The following MMP24 variants were observed in gnomAD, a reference collection of about 807,000 sequenced individuals.
The protein encoded by MMP24 is matrix metallopeptidase 24.
Under a neutral mutation model 62.8 loss-of-function variants are expected in MMP24, and 25 were observed. The observed-to-expected ratio is 0.40, with a 90% CI of 0.29 to 0.56. The LOEUF (loss-of-function observed/expected upper bound fraction) is 0.56. Ranked by LOEUF, MMP24 falls within the 20% of genes least tolerant of loss-of-function variation. The probability of loss-of-function intolerance (pLI) is 0.50; values close to 1 mark genes in which losing one functional copy is unlikely to be tolerated. For missense variants in MMP24, 634 were observed against 853.6 expected, an observed-to-expected ratio of 0.74 and a Z score of 3.21; for synonymous variants, 319 against 350.5, an observed-to-expected ratio of 0.91 and a Z score of 1.00.
At position 35,226,740 on chromosome 20, in the gene MMP24, TGCCGAGGAGCCGGGG is replaced by T; in HGVS notation, c.3_17del (p.MetProArgSerArgGly1_?6). The T allele has an allele frequency of 4.8e-6, 1 of 207,110 alleles. No individual in the cohort carries two copies. The highest frequency in any genetic ancestry group is 5.2e-6 in the Non-Finnish European group (1 of 190,488). 12.8% of individuals were successfully genotyped at this position (207,110 alleles called of 1,614,324 possible). ...CCGGGCGCGGGCCCCGCCGCCGGGA[TGCCGAGGAGCCGGGG>T]CGGCCGCGCCGCGCCGGGGCCGCCG... is the stretch of plus-strand genomic sequence containing the variant. On this transcript the variant is annotated start_lost and inframe_deletion, in exon 1 of 9. Coordinates refer to ENST00000246186, the MANE Select transcript of MMP24 (RefSeq NM_006690.4).
chr20:35,236,649 G>A (rs1210895688), intron 1 of MMP24, among the ~76,000 whole-genome samples: 1 of 152,060 alleles, frequency 6.6e-6, no homozygotes, highest in Non-Finnish European at 1.5e-5. Context: ...ATAACCAAAC[G>A]TGGTGGTCAA....
Position 35,251,899 on chromosome 20 carries a change from G to A in MMP24, c.396-6G>A. 6.2e-7 allele frequency: 1 copy of A among 1,610,720 alleles called. No individual in the cohort carries two copies. The highest frequency in any genetic ancestry group is 1.1e-5 in the South Asian group (1 of 91,008). On this transcript the variant is annotated splice_polypyrimidine_tract_variant and splice_region_variant and intron_variant, in intron 2 of 8. Transcript: ENST00000246186. ...ATGCGTGTGTGTGTGTCCTCTCTCT[G>A]CCCAGGTGGATGAAGAAACCCCGAT...
rs924387819 is a variant in MMP24 at position 35,274,042 on chromosome 20, G to A, written c.1601-230G>A. 6.6e-6 allele frequency among the ~76,000 whole-genome samples: 1 copy of A among 152,164 alleles called. No individual in the cohort carries two copies. Among genetic ancestry groups the A allele is most frequent in the Non-Finnish European group, 1.5e-5 (1 of 68,038 alleles). The stretch of plus-strand genomic sequence containing the variant: ...GAACCATGTCCCAGTTCTCCCTGAA[G>A]CCCCTCTGGTTTCCTAGCACCCGTA... On this transcript the variant is annotated intron_variant, in intron 8 of 8. Coordinates refer to ENST00000246186, the MANE Select transcript of MMP24 (RefSeq NM_006690.4). This position sits in a 1 kb window ranked among gnomAD's most constrained non-coding sequence, Gnocchi z 5.1.
chr20:35,250,432 C>T (rs951349393), intron 2 of MMP24, among the ~76,000 whole-genome samples: 14 of 151,926 alleles, frequency 9.2e-5, no homozygotes, highest in East Asian at 7.7e-4. Flanking sequence ...TGGTGGTGCG[C>T]GCCTGTAATC....
In MMP24 at chr20:35,267,324, G is replaced by A. The variant is rs1472659857; in HGVS notation, c.1099G>A (p.Gly367Arg). The A allele has an allele frequency of 5.7e-6, 9 of 1,589,732 alleles. No homozygotes were observed. Among genetic ancestry groups the A allele is most frequent in the South Asian group, 3.4e-5 (3 of 87,388 alleles). ...RQPRPPRPPL[G>R]DRPSTPGTKP... ...GCCCAGGCCCCCTCGGCCGCCCCTC[G>A]GGGACCGGCCATCCACACCAGGCAC... Residue 367 changes from glycine (G) to arginine (R), a missense_variant, in exon 6 of 9, where the codon GGG (glycine) becomes AGG (arginine). Around this residue, in one of 3 missense-constraint regions of MMP24, gnomAD observed 399 missense variants for 530.8 expected, o/e 0.75. Coordinates refer to ENST00000246186, the MANE Select transcript of MMP24 (RefSeq NM_006690.4).
intron 5 of MMP24, among the ~76,000 whole-genome samples, chr20:35,265,506 C>A (rs1003584273): frequency 2.6e-5 from 4 of 151,958 alleles, no homozygotes; most frequent in African/African-American, 9.7e-5. Context: ...ACAGTAACCA[C>A]TAGTCATACA....
intron 4 of MMP24, among the ~76,000 whole-genome samples, chr20:35,258,054 TA>T (rs1300439952): frequency 1.3e-5 from 2 of 152,162 alleles, no homozygotes; most frequent in Non-Finnish European, 2.9e-5. Context: ...AAACTCTCAT[TA>T]TGGAAAATTT....
At position 35,275,840 on chromosome 20, in the gene MMP24, C is replaced by G. The variant is rs2060701616; in HGVS notation, c.*1231C>G. ...TCCCACACTGCTCTTAGAAGGACAC[C>G]CCTACCGGTAGCAGCCCCAAGCTGA... On this transcript the variant is annotated 3_prime_UTR_variant, in exon 9 of 9. Transcript: ENST00000246186. 2 of 395,924 alleles carry G rather than the reference C, an allele frequency of 5.1e-6. No homozygotes were observed. The highest frequency in any genetic ancestry group is 8.9e-6 in the Non-Finnish European group (2 of 225,032). 24.5% of individuals were successfully genotyped at this position (395,924 alleles called of 1,614,324 possible).
chr20:35,256,604 A>C (rs1379484432), intron 4 of MMP24, among the ~76,000 whole-genome samples: 1 of 150,666 alleles, frequency 6.6e-6, no homozygotes, highest in East Asian at 2.0e-4. Context: ...CTGTAATCCT[A>C]GCTACTCTGG....
chr20:35,263,982 CT>C, intron 5 of MMP24, 30 bp downstream of exon 5: 1 of 1,567,902 alleles, frequency 6.4e-7, no homozygotes, highest in East Asian at 2.3e-5. Flanking sequence ...GGGACTGCTC[CT>C]TCCTCGGGGC....
intron 5 of MMP24, among the ~76,000 whole-genome samples, chr20:35,265,644 C>G (rs1221299958): frequency 1.3e-5 from 2 of 151,904 alleles, no homozygotes; most frequent in Non-Finnish European, 2.9e-5. Context: ...TTTGGGAGGC[C>G]GAGGTGGGAG....
intron 4 of MMP24, among the ~76,000 whole-genome samples, chr20:35,260,590 G>C (rs895691881): frequency 6.6e-6 from 1 of 152,244 alleles, no homozygotes; most frequent in Non-Finnish European, 1.5e-5. Flanking sequence ...CTACCAGTTT[G>C]TTTGGGATGG....
Position 35,269,728 on chromosome 20 carries a change from C to G in MMP24, c.1195-32C>G, listed in dbSNP as rs771202719. ...CTGGGTTCGGAGGCAGGGCCTGACA[C>G]ACCTCTCTCCCCCTCTCCCGCTTCC... On this transcript the variant is annotated intron_variant, in intron 6 of 8. Transcript: ENST00000246186. The surrounding 1 kb of genome is among the most constrained non-coding windows in gnomAD (Gnocchi z 4.6). The G allele has an allele frequency of 6.4e-7, 1 of 1,558,292 alleles. No homozygotes were observed. The highest frequency in any genetic ancestry group is 8.7e-7 in the Non-Finnish European group (1 of 1,151,256).
At chr20:35,270,060 A>C (rs2060660252) in intron 7 of MMP24, among the ~76,000 whole-genome samples, 162 bp downstream of exon 7, 1 of 152,190 alleles carries the variant, frequency 6.6e-6, no homozygotes, top group Non-Finnish European at 1.5e-5. Context: ...AGAAAGTGAG[A>C]CTGAGAATCT....
At chr20:35,250,550 G>A (rs1031086040) in intron 2 of MMP24, among the ~76,000 whole-genome samples, 12 of 149,616 alleles carry the variant, frequency 8.0e-5, no homozygotes, top group Admixed American at 7.3e-4. Context: ...GCAACAGAGC[G>A]AGACTCTGTC....
At chr20:35,264,407 G>A (rs1257854702) in intron 5 of MMP24, among the ~76,000 whole-genome samples, 1 of 152,034 alleles carries the variant, frequency 6.6e-6, no homozygotes, top group Non-Finnish European at 1.5e-5. Flanking sequence ...AAGAAAAAAC[G>A]AGGGCCAGGC....
At chr20:35,259,461 A>G (rs1664731594) in intron 4 of MMP24, among the ~76,000 whole-genome samples, 1 of 152,162 alleles carries the variant, frequency 6.6e-6, no homozygotes, top group South Asian at 2.1e-4. Flanking sequence ...GTGGGGAGGA[A>G]GCGGTCAGTG....
At chr20:35,254,351 A>G (rs1227293378) in intron 3 of MMP24, 99 bp from the exon 4 acceptor site, 1 of 1,237,500 alleles carries the variant, frequency 8.1e-7, no homozygotes, top group East Asian at 2.3e-5. Flanking sequence ...CTAGGGTTCA[A>G]AATCAGATCA....
rs185509572 is a variant in MMP24, at chr20:35,249,847, C to T, written c.396-2058C>T. 4.2e-4 allele frequency among the ~76,000 whole-genome samples: 64 copies of T among 152,244 alleles called. 1 individual carries two copies. In the East Asian group the frequency reaches 0.011, roughly 25 times the overall value. Reference sequence around the variant, plus strand: ...TGACCTCGTGATCCGCCCGCCTCGGCCTCCCAAAGTGCTGGGATTACAGGT... The same window carrying T: ...TGACCTCGTGATCCGCCCGCCTCGGTCTCCCAAAGTGCTGGGATTACAGGT... On this transcript the variant is annotated intron_variant, in intron 2 of 8. Transcript: ENST00000246186.
Sources: gnomAD v4.1 joint callset for allele counts (sites outside exome capture counted in the v4.1 genomes callset) on GRCh38, gnomAD v4.1.1 for gene constraint, gnomAD v4.1.1 regional missense constraint, Gnocchi (gnomAD v3.1) non-coding constraint, MANE v1.5 for transcripts, NCBI Gene and HGNC (gene_info 2026-07-23, HGNC 2026-07-21) for gene names.